ZNF563: variants seen among roughly 807,000 people sequenced by gnomAD.
ZNF563 encodes zinc finger protein 563.
A neutral mutation model predicts 48.5 loss-of-function variants in ZNF563; 39 were observed. That is an observed-to-expected ratio of 0.80 (90% CI 0.62 to 1.05). ZNF563 has a LOEUF of 1.05. ZNF563 is among the 50% of genes least tolerant of loss of function. The pLI is 0.00. For missense variants in ZNF563, 538 were observed against 597.0 expected (o/e 0.90, Z 1.03); for synonymous variants, 168 against 187.9 (o/e 0.89, Z 0.87).
intron 1 of ZNF563, among the ~76,000 whole-genome samples, chr19:12,326,538 G>A (rs1400738244): frequency 6.6e-6 from 1 of 152,050 alleles, no homozygotes; most frequent in Admixed American, 6.6e-5. Flanking sequence ...CAGTTACTCA[G>A]GAGGCTGAGG....
chr19:12,324,402 C>T (rs765410917), intron 1 of ZNF563, among the ~76,000 whole-genome samples: 9 of 151,966 alleles, frequency 5.9e-5, no homozygotes, highest in Non-Finnish European at 1.3e-4. Context: ...ATAGAAGTCA[C>T]AAATGTCTAA....
chr19:12,338,598 A>G (rs971010159), upstream of ZNF563, among the ~76,000 whole-genome samples: 2 of 152,122 alleles, frequency 1.3e-5, no homozygotes, highest in Non-Finnish European at 2.9e-5. Context: ...TCATGCCTGT[A>G]ATCCCAGCAC....
intron 3 of ZNF563, among the ~76,000 whole-genome samples, 166 bp downstream of exon 3, chr19:12,321,106 C>T (rs1379021765): frequency 6.6e-6 from 1 of 151,810 alleles, no homozygotes; most frequent in Non-Finnish European, 1.5e-5. Flanking sequence ...TGCCACTGCA[C>T]TCCAGCCTGG....
intron 1 of ZNF563, among the ~76,000 whole-genome samples, chr19:12,329,187 C>G (rs1968863980): frequency 6.6e-6 from 1 of 152,092 alleles, no homozygotes; most frequent in African/African-American, 2.4e-5. Context: ...TAGAAAACAT[C>G]AACAGGCTGG....
chr19:12,328,785 A>T (rs1327505419), intron 1 of ZNF563, among the ~76,000 whole-genome samples: 12 of 151,454 alleles, frequency 7.9e-5, no homozygotes, highest in Admixed American at 6.6e-5. Context: ...AAATAAATAA[A>T]TAATAAATAA....
Position 12,333,039 on chromosome 19 carries a change from A to C in ZNF563, c.3+441T>G, listed in dbSNP as rs182716372. 1.1e-4 allele frequency among the ~76,000 whole-genome samples: 17 copies of C among 152,288 alleles called. No homozygotes were observed. The East Asian group carries it at 2.9e-3, about 26-fold the overall frequency. On this transcript the variant is annotated intron_variant, in intron 1 of 3. Transcript: ENST00000293725. ...GGTGAGGGGACAAGATAAGCATTAG[A>C]CATCTGCCTTCCCAAACCTTTGAAG...
At chr19:12,333,976 A>C (rs1183005050), upstream of ZNF563, among the ~76,000 whole-genome samples, 2 of 152,198 alleles carry the variant, frequency 1.3e-5, no homozygotes, top group African/African-American at 4.8e-5. Context: ...AGGAGTCACA[A>C]GTGTTTTGCA....
intron 1 of ZNF563, among the ~76,000 whole-genome samples, chr19:12,324,393 T>C (rs1181323363): frequency 6.6e-6 from 1 of 151,930 alleles, no homozygotes; most frequent in Non-Finnish European, 1.5e-5. Context: ...TCAAATCTAA[T>C]AGAAGTCACA....
chr19:12,326,231 A>G (rs961139846), intron 1 of ZNF563, among the ~76,000 whole-genome samples: 1 of 152,238 alleles, frequency 6.6e-6, no homozygotes, highest in African/African-American at 2.4e-5. Flanking sequence ...ATCAGAAAAT[A>G]GATTTAAAAA....
chr19:12,343,161 C>A, the ZNF563 span, among the ~76,000 whole-genome samples: 1 of 151,804 alleles, frequency 6.6e-6, no homozygotes, highest in Non-Finnish European at 1.5e-5. Flanking sequence ...CACGTCACTG[C>A]CCTCCAGCCT....
chr19:12,342,126 C>T, the ZNF563 span, among the ~76,000 whole-genome samples: 4 of 152,222 alleles, frequency 2.6e-5, no homozygotes, highest in South Asian at 6.2e-4. Flanking sequence ...ATCCTCCCAC[C>T]TCAGCCTCCT....
chr19:12,335,613 CT>C (rs1320520812), upstream of ZNF563, among the ~76,000 whole-genome samples: 1 of 152,204 alleles, frequency 6.6e-6, no homozygotes, highest in African/African-American at 2.4e-5. Flanking sequence ...CATCCAAAGC[CT>C]TCCTGGGCCA....
intron 1 of ZNF563, among the ~76,000 whole-genome samples, chr19:12,333,185 G>T (rs1968964472): frequency 6.6e-6 from 1 of 152,172 alleles, no homozygotes; most frequent in South Asian, 2.1e-4. Context: ...ACCCTTCCGT[G>T]ACCCTCCCCC....
At chr19:12,323,797 G>A (rs944725593) in intron 1 of ZNF563, among the ~76,000 whole-genome samples, 1 of 152,142 alleles carries the variant, frequency 6.6e-6, no homozygotes. Flanking sequence ...TGGAGGATTC[G>A]GCACATCCTC....
intron 1 of ZNF563, among the ~76,000 whole-genome samples, chr19:12,323,070 C>T (rs1489464827): frequency 2.0e-5 from 3 of 152,176 alleles, no homozygotes; most frequent in Non-Finnish European, 4.4e-5. Flanking sequence ...ATTAGCAGTC[C>T]TGAGACTGCA....
intron 1 of ZNF563, among the ~76,000 whole-genome samples, chr19:12,327,472 A>AG (rs1968823144): frequency 6.6e-6 from 1 of 151,560 alleles, no homozygotes; most frequent in African/African-American, 2.4e-5. Context: ...AAAAAAAAAA[A>AG]AAAGAAAAGA....
chr19:12,319,157 A>T lies in ZNF563; in HGVS notation c.868T>A (p.Phe290Ile). The T allele has an allele frequency of 6.2e-7, 1 of 1,614,198 alleles. No individual in the cohort carries two copies. The highest frequency in any genetic ancestry group is 8.5e-7 in the Non-Finnish European group (1 of 1,180,040). Reference sequence around the variant, plus strand: ...CTTCGAAGGGAACTGGAAACACTGAAGGCTTTCCCACACTGTTTACATGTA... The same window carrying T: ...CTTCGAAGGGAACTGGAAACACTGATGGCTTTCCCACACTGTTTACATGTA... ...PYTCKQCGKA[F>I]SVSSSLRRHE... Residue 290 changes from phenylalanine to isoleucine, a missense_variant, in exon 4 of 4, where the codon TTC (phenylalanine) becomes ATC (isoleucine). Transcript: ENST00000293725.
At position 12,318,217 on chromosome 19, in the gene ZNF563, G is replaced by T. The variant is rs948164396; in HGVS notation, c.*377C>A. On this transcript the variant is annotated 3_prime_UTR_variant, in exon 4 of 4. Coordinates refer to ENST00000293725, the MANE Select transcript of ZNF563 (RefSeq NM_145276.3). ...TGGTTTCACCATTTTGCCCAGGCAG[G>T]CCTCAAATTCCTGAGGTCAAGCAAT... 2 of 231,354 alleles carry T rather than the reference G, an allele frequency of 8.6e-6. No individual in the cohort carries two copies. Among genetic ancestry groups the T allele is most frequent in the Non-Finnish European group, 1.7e-5 (2 of 118,062 alleles). 14.3% of individuals were successfully genotyped at this position (231,354 alleles called of 1,614,324 possible).
chr19:12,332,404 G>A (rs1448969032), intron 1 of ZNF563, among the ~76,000 whole-genome samples: 1 of 145,316 alleles, frequency 6.9e-6, no homozygotes, highest in Non-Finnish European at 1.5e-5. Context: ...AGACTGGAGT[G>A]CAGTGACGTG....
Sources: gnomAD v4.1 joint callset for allele counts (sites outside exome capture counted in the v4.1 genomes callset) on GRCh38, gnomAD v4.1.1 for gene constraint, MANE v1.5 for transcripts, NCBI Gene and HGNC (gene_info 2026-07-23, HGNC 2026-07-21) for gene names.